The following ZPBP variants were observed in gnomAD, a reference collection of about 807,000 sequenced individuals.
The protein encoded by ZPBP is zona pellucida binding protein, also known as zona pellucida-binding protein 1.
A neutral mutation model predicts 44.8 loss-of-function variants in ZPBP; 26 were observed. That is an observed-to-expected ratio of 0.58 (90% CI 0.43 to 0.81). The LOEUF is 0.81. Among genes scored for constraint, ZPBP ranks in the 30% least tolerant of loss-of-function variants. The probability of loss-of-function intolerance (pLI) is 0.00; values close to 1 mark genes in which losing one functional copy is unlikely to be tolerated. For missense variants in ZPBP, 409 were observed against 434.0 expected (o/e 0.94, Z 0.51); for synonymous variants, 174 against 153.2 (o/e 1.14, Z -1.00).
Position 50,093,179 on chromosome 7 carries a change from G to T in ZPBP, c.16C>A (p.Leu6Ile). 1 of 1,533,738 alleles carries T rather than the reference G, an allele frequency of 6.5e-7. No individual in the cohort carries two copies. Among genetic ancestry groups the T allele is most frequent in the Non-Finnish European group, 8.8e-7 (1 of 1,141,864 alleles). Reference sequence around the variant, plus strand: ...CGCCTGCCCCGCCGCGCTGGGCCAAGGGCGAAGGCCTCCATCCACACGCCG... The same window carrying T: ...CGCCTGCCCCGCCGCGCTGGGCCAATGGCGAAGGCCTCCATCCACACGCCG... MEAFA[L>I]GPARRGRRRT... The change falls in exon 1 of 8, where the codon CTT becomes ATT. Residue 6 changes from leucine (L) to isoleucine (I), a missense_variant. Coordinates refer to ENST00000046087, the MANE Select transcript of ZPBP (RefSeq NM_007009.3).
chr7:50,090,773 C>T (rs547548637), intron 1 of ZPBP, among the ~76,000 whole-genome samples: 3 of 152,016 alleles, frequency 2.0e-5, no homozygotes, highest in Non-Finnish European at 4.4e-5. Flanking sequence ...CTGCTATCAA[C>T]GTGTGTGTGC....
At chr7:50,055,642 A>C (rs1297056785) in intron 4 of ZPBP, among the ~76,000 whole-genome samples, 2 of 152,178 alleles carry the variant, frequency 1.3e-5, no homozygotes, top group East Asian at 3.8e-4. Flanking sequence ...TTTGAAATAC[A>C]TTTAATATAA....
intron 3 of ZPBP, 120 bp from the exon 4 acceptor site, chr7:50,058,261 G>C: frequency 2.9e-6 from 3 of 1,019,512 alleles, no homozygotes; most frequent in Non-Finnish European, 3.0e-6. Flanking sequence ...GGAGTGGGGG[G>C]CATAGCTAGG....
intron 7 of ZPBP, among the ~76,000 whole-genome samples, chr7:49,951,715 C>T (rs1011672105): frequency 6.6e-6 from 1 of 151,608 alleles, no homozygotes; most frequent in African/African-American, 2.4e-5. Context: ...TGGAATGACC[C>T]TGTAATTCCA....
intron 2 of ZPBP, among the ~76,000 whole-genome samples, chr7:49,882,316 TG>T (rs1409874941): frequency 3.3e-5 from 5 of 152,164 alleles, no homozygotes; most frequent in African/African-American, 1.2e-4. Context: ...CACTTTATAA[TG>T]TTAGCACATG....
chr7:50,068,709 GAGT>G (rs1218063012), intron 3 of ZPBP, among the ~76,000 whole-genome samples: 1 of 152,144 alleles, frequency 6.6e-6, no homozygotes, highest in African/African-American at 2.4e-5. Flanking sequence ...TTAATAAGCT[GAGT>G]AGCATTCACA....
chr7:50,075,220 T>C (rs961148246), intron 3 of ZPBP, among the ~76,000 whole-genome samples: 1 of 151,598 alleles, frequency 6.6e-6, no homozygotes, highest in East Asian at 1.9e-4. Context: ...TTTCATGAAA[T>C]AAATGTTAAT....
At chr7:49,911,714 T>C (rs187393155) in intron 1 of ZPBP, among the ~76,000 whole-genome samples, 69 of 151,894 alleles carry the variant, frequency 4.5e-4, no homozygotes, top group Middle Eastern at 3.4e-3. Flanking sequence ...CTGGCCAACA[T>C]TGTTAAACCC....
At chr7:49,926,547 C>T (rs1008685549) in intron 1 of ZPBP, among the ~76,000 whole-genome samples, 2 of 152,186 alleles carry the variant, frequency 1.3e-5, no homozygotes, top group Admixed American at 6.5e-5. Flanking sequence ...AGCCATAACA[C>T]CTGCATGCAC....
At chr7:49,988,190 G>C (rs183229945) in intron 6 of ZPBP, among the ~76,000 whole-genome samples, 1 of 152,130 alleles carries the variant, frequency 6.6e-6, no homozygotes, top group Non-Finnish European at 1.5e-5. Flanking sequence ...CAAGGTTTTT[G>C]CTTTTAAAAA....
At chr7:50,084,153 A>G (rs1474816148) in intron 2 of ZPBP, among the ~76,000 whole-genome samples, 1 of 151,978 alleles carries the variant, frequency 6.6e-6, no homozygotes, top group East Asian at 1.9e-4. Context: ...CTTACCAAAA[A>G]TGGAAAAAGT....
chr7:49,846,028 A>G (rs189402731), downstream of ZPBP, among the ~76,000 whole-genome samples: 2 of 152,370 alleles, frequency 1.3e-5, no homozygotes, highest in Admixed American at 1.3e-4. Flanking sequence ...GAAGTTATCC[A>G]TGTTGTCCTG....
chr7:49,999,894 T>C (rs983869470), intron 6 of ZPBP, among the ~76,000 whole-genome samples: 1 of 152,090 alleles, frequency 6.6e-6, no homozygotes, highest in Non-Finnish European at 1.5e-5. Flanking sequence ...AGTTGACACA[T>C]AAAAACCACA....
rs184845641 is a variant in ZPBP at position 50,079,758 on chromosome 7, T to C, written c.334+2016A>G. On this transcript the variant is annotated intron_variant, in intron 3 of 7. Coordinates refer to ENST00000046087, the MANE Select transcript of ZPBP (RefSeq NM_007009.3). ...CTATGTAAGGTAAATGATATGTTAA[T>C]AGCTTGATGTAGGAAAGCTGAACAC... is the stretch of plus-strand genomic sequence containing the variant. Among the ~76,000 whole-genome samples, 44 of 151,834 alleles carry C rather than the reference T, an allele frequency of 2.9e-4. No homozygotes were observed. In the East Asian group the frequency reaches 3.5e-3, roughly 12 times the overall value.
intron 2 of ZPBP, 124 bp downstream of exon 2, chr7:50,089,505 G>A (rs1802840181): frequency 1.2e-5 from 9 of 727,484 alleles, no homozygotes; most frequent in Non-Finnish European, 2.1e-5. Flanking sequence ...ATCCACTTCT[G>A]TAGAAAGAAA....
intron 3 of ZPBP, among the ~76,000 whole-genome samples, chr7:50,059,746 C>T (rs913161987): frequency 2.6e-5 from 4 of 152,020 alleles, no homozygotes; most frequent in Admixed American, 6.6e-5. Flanking sequence ...AAAATATATA[C>T]CTAAATGCCT....
chr7:50,019,493 T>C (rs1798984018), intron 5 of ZPBP, among the ~76,000 whole-genome samples: 1 of 152,102 alleles, frequency 6.6e-6, no homozygotes, highest in Non-Finnish European at 1.5e-5. Context: ...ATATTTTCTT[T>C]TTACTATAAT....
Position 49,913,402 on chromosome 7 carries a change from C to T in ZPBP, n.412-12187G>A, listed in dbSNP as rs1362784864. 2.0e-5 allele frequency: 3 copies of T among 152,160 alleles called. No individual in the cohort carries two copies. In the East Asian group the frequency reaches 5.8e-4, roughly 29 times the overall value. The allele number at this position is 152,160 out of a possible 1,614,324, so 9.4% of individuals were successfully genotyped here. On this transcript the variant is annotated intron_variant and non_coding_transcript_variant, in intron 1 of 2. Coordinates refer to the ZPBP transcript ENST00000465922. Reference sequence around the variant, plus strand: ...AGAAAATAGTTCTACCTTTATCAATCATATCAGCATGCGGTGTGTTGATGA... The same window carrying T: ...AGAAAATAGTTCTACCTTTATCAATTATATCAGCATGCGGTGTGTTGATGA...
intron 1 of ZPBP, among the ~76,000 whole-genome samples, chr7:49,922,868 A>G (rs1389923463): frequency 6.6e-6 from 1 of 152,210 alleles, no homozygotes; most frequent in East Asian, 1.9e-4. Context: ...CCCAGATATA[A>G]AATAAATCTA....
Sources: allele counts gnomAD v4.1 joint callset (sites outside exome capture counted in the v4.1 genomes callset), GRCh38; gene constraint gnomAD v4.1.1; transcripts MANE v1.5; gene names NCBI Gene and HGNC (gene_info 2026-07-23, HGNC 2026-07-21).